RABGAP1L: variants seen among roughly 807,000 people sequenced by gnomAD.
The protein encoded by RABGAP1L is rab GTPase-activating protein 1-like.
RABGAP1L carries 63 observed loss-of-function variants against 137.7 expected under a neutral mutation model. The observed-to-expected ratio is 0.46, with a 90% CI of 0.37 to 0.56. The LOEUF is 0.56. Ranked by LOEUF, RABGAP1L falls within the 20% of genes least tolerant of loss-of-function variation. RABGAP1L has a pLI of 0.00. For missense variants in RABGAP1L, 1,095 were observed against 1,244.0 expected (o/e 0.88, Z 1.80); for synonymous variants, 431 against 433.7 (o/e 0.99, Z 0.08).
chr1:174,577,903 C>T (rs1668492657), intron 13 of RABGAP1L, among the ~76,000 whole-genome samples: 2 of 152,180 alleles, frequency 1.3e-5, no homozygotes, highest in African/African-American at 2.4e-5. Flanking sequence ...TTAACCACCC[C>T]TCTAGGGAAC....
rs139614453 is a variant in RABGAP1L, at chr1:174,218,078, A to G, written c.-33-1047A>G. 2.1e-3 allele frequency among the ~76,000 whole-genome samples: 325 copies of G among 152,002 alleles called. 5 individuals carry two copies. Among genetic ancestry groups the G allele is most frequent in the Middle Eastern group, 0.014 (4 of 294 alleles). On this transcript the variant is annotated intron_variant, in intron 1 of 25. Coordinates refer to ENST00000681986, the MANE Select transcript of RABGAP1L (RefSeq NM_001366446.1). ...GCTTGTCCTGCCCCTCTATCACATT[A>G]CTCATTTGGTCACTGAGCAGATTGT...
intron 13 of RABGAP1L, among the ~76,000 whole-genome samples, chr1:174,624,975 G>A (rs1672835714): frequency 1.3e-5 from 2 of 150,728 alleles, no homozygotes; most frequent in African/African-American, 4.9e-5. Context: ...GAGTTCAAGC[G>A]ATTCTCCTGC....
chr1:174,426,007 CGTT>C, intron 13 of RABGAP1L, among the ~76,000 whole-genome samples: 4 of 152,038 alleles, frequency 2.6e-5, no homozygotes, highest in African/African-American at 9.6e-5. Flanking sequence ...TGTTGAATAT[CGTT>C]GTAATTACTT....
chr1:174,690,345 A>T (rs570315481), intron 15 of RABGAP1L, among the ~76,000 whole-genome samples: 11 of 152,326 alleles, frequency 7.2e-5, no homozygotes, highest in Admixed American at 7.2e-4. Flanking sequence ...CACAAAAATA[A>T]TGCAGTTATG....
At chr1:174,464,924 A>G (rs985751167) in intron 13 of RABGAP1L, among the ~76,000 whole-genome samples, 3 of 152,164 alleles carry the variant, frequency 2.0e-5, no homozygotes, top group Non-Finnish European at 4.4e-5. Context: ...TTTCATAACT[A>G]GCAAGGTAGT....
At chr1:174,670,075 T>C (rs1677063920) in intron 14 of RABGAP1L, among the ~76,000 whole-genome samples, 1 of 152,162 alleles carries the variant, frequency 6.6e-6, no homozygotes, top group Non-Finnish European at 1.5e-5. Context: ...TTGGACTATA[T>C]GGGCATTTTA....
intron 1 of RABGAP1L, among the ~76,000 whole-genome samples, chr1:174,195,680 C>T (rs57021015): frequency 9.8e-6 from 1 of 101,910 alleles, no homozygotes; most frequent in Non-Finnish European, 1.9e-5. Flanking sequence ...TTCCTTCTTT[C>T]CTTCTTTCCT....
chr1:174,678,091 G>C (rs1677773171), intron 14 of RABGAP1L, among the ~76,000 whole-genome samples: 1 of 152,036 alleles, frequency 6.6e-6, no homozygotes, highest in African/African-American at 2.4e-5. Context: ...ATATTAAAAA[G>C]TCAATTAGGG....
chr1:174,443,402 G>A (rs6664764), intron 13 of RABGAP1L, among the ~76,000 whole-genome samples: 88,297 of 151,868 alleles, frequency 0.58, 27,972 homozygotes, highest in African/African-American at 0.85. Flanking sequence ...TGTCTTTTTG[G>A]TAATAGCCAT....
rs1019457443 is a variant in RABGAP1L at position 174,793,888 on chromosome 1, G to A, written c.2212-17944G>A. Reference sequence around the variant, plus strand: ...ATTTTTGTATTTTTAGTAGAGACAGGTTTATGATATGTTGGCCAGGTTGGT... The same window carrying A: ...ATTTTTGTATTTTTAGTAGAGACAGATTTATGATATGTTGGCCAGGTTGGT... On this transcript the variant is annotated intron_variant, in intron 18 of 25. Coordinates refer to ENST00000681986, the MANE Select transcript of RABGAP1L (RefSeq NM_001366446.1). 2.0e-5 allele frequency among the ~76,000 whole-genome samples: 3 copies of A among 152,052 alleles called. No individual in the cohort carries two copies. In the South Asian group the frequency reaches 6.2e-4, roughly 32 times the overall value.
intron 17 of RABGAP1L, among the ~76,000 whole-genome samples, chr1:174,703,071 T>C (rs1679779235): frequency 2.0e-5 from 3 of 152,190 alleles, no homozygotes; most frequent in African/African-American, 7.2e-5. Flanking sequence ...ATATATAATC[T>C]AGACAGTTTT....
At chr1:174,617,580 C>T (rs1672007146) in intron 13 of RABGAP1L, among the ~76,000 whole-genome samples, 1 of 152,092 alleles carries the variant, frequency 6.6e-6, no homozygotes, top group Admixed American at 6.5e-5. Flanking sequence ...GTAACTAAAA[C>T]CTTATGTTAA....
chr1:174,576,486 G>A (rs1177535088), intron 13 of RABGAP1L, among the ~76,000 whole-genome samples: 2 of 152,192 alleles, frequency 1.3e-5, no homozygotes, highest in Non-Finnish European at 2.9e-5. Flanking sequence ...GCAGGGGGAA[G>A]CAAATCACAC....
chr1:174,988,124 A>G (rs1191814491), intron 24 of RABGAP1L, among the ~76,000 whole-genome samples: 1 of 152,164 alleles, frequency 6.6e-6, no homozygotes, highest in Non-Finnish European at 1.5e-5. Flanking sequence ...TACTTTTATT[A>G]AGCAACAGGG....
chr1:174,817,676 C>G (rs1227983429), intron 19 of RABGAP1L, among the ~76,000 whole-genome samples: 1 of 152,096 alleles, frequency 6.6e-6, no homozygotes, highest in African/African-American at 2.4e-5. Context: ...CATAAATTAT[C>G]AGGTTATTGT....
intron 17 of RABGAP1L, among the ~76,000 whole-genome samples, chr1:174,743,821 A>C (rs1478116491): frequency 2.6e-5 from 4 of 152,064 alleles, no homozygotes; most frequent in African/African-American, 9.7e-5. Flanking sequence ...AAACAGATGC[A>C]TTCATGTTAA....
At chr1:174,527,365 G>C (rs1012815900) in intron 13 of RABGAP1L, among the ~76,000 whole-genome samples, 7 of 151,874 alleles carry the variant, frequency 4.6e-5, no homozygotes, top group African/African-American at 1.7e-4. Context: ...ACCATGCCCC[G>C]TGAATTTTTG....
chr1:174,176,742 A>ATAAAATAAAAT (rs1558005669), intron 1 of RABGAP1L, among the ~76,000 whole-genome samples: 1 of 106,882 alleles, frequency 9.4e-6, no homozygotes, highest in Non-Finnish European at 2.1e-5. Context: ...AAAAAAAAAA[A>ATAAAATAAAAT]AAAAGGTCAA....
At position 174,347,740 on chromosome 1, in the gene RABGAP1L, C is replaced by T. The variant is rs970524531; in HGVS notation, c.1466-23239C>T. Among the ~76,000 whole-genome samples, 30 of 152,098 alleles carry T rather than the reference C, an allele frequency of 2.0e-4. No homozygotes were observed. The East Asian group carries it at 2.3e-3, about 12-fold the overall frequency. ...CGATCTCCTGACCTCATGATCTGCC[C>T]GCCTCGGCCTCCCAGAGTGCTAGGA... On this transcript the variant is annotated intron_variant, in intron 11 of 25. Coordinates refer to ENST00000681986, the MANE Select transcript of RABGAP1L (RefSeq NM_001366446.1).
Sources: allele counts gnomAD v4.1 joint callset (sites outside exome capture counted in the v4.1 genomes callset), GRCh38; gene constraint gnomAD v4.1.1; transcripts MANE v1.5; gene names NCBI Gene and HGNC (gene_info 2026-07-23, HGNC 2026-07-21).